The following CALCR variants were observed in gnomAD, a reference collection of about 807,000 sequenced individuals.
CALCR encodes the protein calcitonin receptor.
Under a neutral mutation model 59.5 loss-of-function variants are expected in CALCR, and 47 were observed. The observed-to-expected ratio is 0.79, with a 90% confidence interval of 0.63 to 1.01. The LOEUF (loss-of-function observed/expected upper bound fraction) is 1.01. Among genes scored for constraint, CALCR ranks in the 50% least tolerant of loss-of-function variants. CALCR has a pLI of 0.00. For missense variants in CALCR, 566 were observed against 597.1 expected, an observed-to-expected ratio of 0.95 and a Z score of 0.54; for synonymous variants, 213 against 211.3, an observed-to-expected ratio of 1.01 and a Z score of -0.07.
At chr7:93,497,803 A>T (rs879636179) in intron 2 of CALCR, among the ~76,000 whole-genome samples, 1 of 151,546 alleles carries the variant, frequency 6.6e-6, no homozygotes, top group Non-Finnish European at 1.5e-5. Flanking sequence ...ATCAACTCAT[A>T]TGTTATTTTC....
intron 2 of CALCR, among the ~76,000 whole-genome samples, chr7:93,567,551 A>G (rs1012064329): frequency 6.6e-6 from 1 of 151,642 alleles, no homozygotes; most frequent in Non-Finnish European, 1.5e-5. Flanking sequence ...TTTTATAAAA[A>G]GTTTTTTTTT....
chr7:93,442,814 A>T (rs1254660778), intron 9 of CALCR, among the ~76,000 whole-genome samples: 2 of 152,138 alleles, frequency 1.3e-5, no homozygotes, highest in Non-Finnish European at 2.9e-5. Flanking sequence ...TCTGGTATGG[A>T]AGTTTCAAGG....
intron 5 of CALCR, 69 bp from the exon 6 acceptor site, chr7:93,472,556 A>G (rs1260886196): frequency 1.1e-6 from 1 of 896,640 alleles, no homozygotes; most frequent in African/African-American, 1.7e-5. Context: ...TAATAAATTA[A>G]AGCTTAAAAG....
intron 8 of CALCR, among the ~76,000 whole-genome samples, chr7:93,452,331 C>A (rs111258294): frequency 6.6e-6 from 1 of 152,062 alleles, no homozygotes; most frequent in African/African-American, 2.4e-5. Context: ...CTTTGATTCA[C>A]ATATATTTTA....
intron 13 of CALCR, among the ~76,000 whole-genome samples, chr7:93,428,617 G>A (rs1377139314): frequency 6.6e-6 from 1 of 152,028 alleles, no homozygotes; most frequent in Non-Finnish European, 1.5e-5. Context: ...TGGCTAACAC[G>A]GTGAAACCCT....
chr7:93,426,375 T>C lies in CALCR; in HGVS notation c.1406A>G (p.Glu469Gly), dbSNP rs766225339. The C allele has an allele frequency of 6.2e-7, 1 of 1,604,366 alleles. No homozygotes were observed. Among genetic ancestry groups the C allele is most frequent in the Non-Finnish European group, 8.5e-7 (1 of 1,171,248 alleles). Residue 469 changes from glutamate to glycine, a missense_variant, in exon 14 of 14, where the codon GAG becomes GGG. Glu to Gly is a moderately conservative substitution (Grantham distance 98). Transcript: ENST00000426151. ...TCACATTCAAGCAGATGACTCTTGC[T>C]CTATGATATTCAAAGGGATGATCTC... ...SAEIIPLNII[E>G]QESSA
chr7:93,505,708 G>C (rs1419606477), intron 2 of CALCR, among the ~76,000 whole-genome samples: 1 of 152,074 alleles, frequency 6.6e-6, no homozygotes. Flanking sequence ...GATAAAAAGA[G>C]AACCTCTCTC....
intron 2 of CALCR, among the ~76,000 whole-genome samples, chr7:93,543,221 T>C (rs2116193738): frequency 6.6e-6 from 1 of 152,302 alleles, no homozygotes; most frequent in African/African-American, 2.4e-5. Context: ...CTCTGTTCAG[T>C]GCAACCTCCA....
chr7:93,531,614 A>G (rs1788840466), intron 2 of CALCR, among the ~76,000 whole-genome samples: 1 of 152,174 alleles, frequency 6.6e-6, no homozygotes, highest in Non-Finnish European at 1.5e-5. Flanking sequence ...TTCCATGGGA[A>G]TATGGATATA....
At chr7:93,478,740 C>A (rs1370093181) in intron 4 of CALCR, among the ~76,000 whole-genome samples, 1 of 151,540 alleles carries the variant, frequency 6.6e-6, no homozygotes, top group African/African-American at 2.4e-5. Context: ...AATGAGCTTG[C>A]CCATCACATC....
chr7:93,441,438 C>T, intron 9 of CALCR: 1 of 426,318 alleles, frequency 2.3e-6, no homozygotes, highest in South Asian at 1.7e-5. Context: ...TAAATTGTAT[C>T]CAGTCTATTC....
intron 2 of CALCR, among the ~76,000 whole-genome samples, chr7:93,539,939 C>T (rs79116681): frequency 0.067 from 10,257 of 152,200 alleles, 358 homozygotes; most frequent in Middle Eastern, 0.092. Flanking sequence ...TGAAATGAAG[C>T]AGAGGAGCAT....
At chr7:93,533,171 G>C (rs73221770) in intron 2 of CALCR, among the ~76,000 whole-genome samples, 42,466 of 151,698 alleles carry the variant, frequency 0.28, 7,143 homozygotes, top group South Asian at 0.38. Context: ...ATGTAATAAT[G>C]GTTTCGTTAT....
Position 93,534,162 on chromosome 7 carries a change from G to A in CALCR, c.-27+40127C>T, listed in dbSNP as rs149864650. On this transcript the variant is annotated intron_variant, in intron 2 of 13. Transcript: ENST00000426151. ...AGCTAAGAAACATGATTTACTATCCGTGTATCAAGTGTTTGACAACGATTA... is the reference window on the plus strand; with the variant it reads ...AGCTAAGAAACATGATTTACTATCCATGTATCAAGTGTTTGACAACGATTA... Among the ~76,000 whole-genome samples the A allele has an allele frequency of 7.7e-3, 1,167 of 151,858 alleles. 10 individuals carry two copies. Among genetic ancestry groups the A allele is most frequent in the African/African-American group, 0.022 (908 of 41,512 alleles).
intron 2 of CALCR, among the ~76,000 whole-genome samples, chr7:93,533,549 T>C (rs1360490457): frequency 1.3e-5 from 2 of 151,910 alleles, no homozygotes; most frequent in African/African-American, 4.8e-5. Flanking sequence ...TCTGTGTTAA[T>C]GAAGCATTGA....
chr7:93,442,334 G>A (rs1162409267), intron 9 of CALCR, among the ~76,000 whole-genome samples: 2 of 152,042 alleles, frequency 1.3e-5, no homozygotes, highest in Non-Finnish European at 2.9e-5. Context: ...GAGGCATCCC[G>A]CCTATCTGCC....
chr7:93,528,021 T>A (rs1363221286), intron 2 of CALCR, among the ~76,000 whole-genome samples: 1 of 152,202 alleles, frequency 6.6e-6, no homozygotes, highest in Non-Finnish European at 1.5e-5. Flanking sequence ...ATATAAGATA[T>A]CATTATCTAC....
At chr7:93,429,998 C>G (rs1048759982) in intron 13 of CALCR, among the ~76,000 whole-genome samples, 1 of 142,434 alleles carries the variant, frequency 7.0e-6, no homozygotes, top group Admixed American at 7.7e-5. Flanking sequence ...GTGGCGCAAT[C>G]TCGGCTCACT....
intron 5 of CALCR, among the ~76,000 whole-genome samples, chr7:93,476,557 A>G (rs1800670260): frequency 6.6e-6 from 1 of 151,892 alleles, no homozygotes; most frequent in Non-Finnish European, 1.5e-5. Context: ...CTGTATAAGA[A>G]CCAGGCTGAA....
Sources: gnomAD v4.1 joint callset for allele counts (sites outside exome capture counted in the v4.1 genomes callset) on GRCh38, gnomAD v4.1.1 for gene constraint, MANE v1.5 for transcripts, NCBI Gene and HGNC (gene_info 2026-07-23, HGNC 2026-07-21) for gene names.